Variants in CNBD1 observed in about 807,000 individuals in gnomAD.
The protein encoded by CNBD1 is cyclic nucleotide-binding domain-containing protein 1.
Under a neutral mutation model 54.4 loss-of-function variants are expected in CNBD1, and 71 were observed. The ratio of observed to expected loss-of-function variants is 1.30; its 90% CI spans 1.08 to 1.59. The LOEUF (loss-of-function observed/expected upper bound fraction) is 1.59. Among genes scored for constraint, CNBD1 ranks in the 40% most tolerant of loss-of-function variants. The pLI is 0.00. For synonymous variants in CNBD1, 182 were observed against 170.7 expected, an observed-to-expected ratio of 1.07 and a Z score of -0.51; for missense variants, 659 against 518.0, an observed-to-expected ratio of 1.27 and a Z score of -2.64.
chr8:87,241,939 A>T (rs752257118), intron 6 of CNBD1, among the ~76,000 whole-genome samples: 1 of 152,164 alleles, frequency 6.6e-6, no homozygotes, highest in Non-Finnish European at 1.5e-5. Context: ...TAAAATTCTA[A>T]GCCCCCAGCC....
In CNBD1 at chr8:86,972,974, C is replaced by T. The variant is rs1808259987; in HGVS notation, c.431+33220C>T. 1.3e-5 allele frequency among the ~76,000 whole-genome samples: 2 copies of T among 152,182 alleles called. 1 individual carries two copies. The highest frequency in any genetic ancestry group is 4.1e-4 in the South Asian group (2 of 4,824). On this transcript the variant is annotated intron_variant, in intron 4 of 10. Coordinates refer to ENST00000518476, the MANE Select transcript of CNBD1 (RefSeq NM_173538.3). ...CTCATCCCCTCGTTGACTTCCCTCA[C>T]CACTTCCTATTTACTTTTGTAAATA... is the stretch of plus-strand genomic sequence containing the variant.
At chr8:87,424,242 A>G (rs1808002458) in intron 2 of CNBD1, among the ~76,000 whole-genome samples, 1 of 151,856 alleles carries the variant, frequency 6.6e-6, no homozygotes, top group Admixed American at 6.6e-5. Flanking sequence ...GGATTCATTA[A>G]TTTTTTGAAG....
At chr8:87,228,690 T>G (rs1285229078) in intron 5 of CNBD1, among the ~76,000 whole-genome samples, 1 of 151,660 alleles carries the variant, frequency 6.6e-6, no homozygotes, top group African/African-American at 2.4e-5. Context: ...ACTGCTGTCT[T>G]TTTGTTTGTC....
intron 6 of CNBD1, among the ~76,000 whole-genome samples, chr8:87,249,269 C>T (rs1408075920): frequency 6.6e-6 from 1 of 152,058 alleles, no homozygotes; most frequent in Non-Finnish European, 1.5e-5. Flanking sequence ...AATCTAGTGA[C>T]ACTACTGATC....
intron 4 of CNBD1, among the ~76,000 whole-genome samples, chr8:87,038,353 G>C (rs75646552): frequency 0.038 from 5,761 of 152,288 alleles, 187 homozygotes; most frequent in Non-Finnish European, 0.058. Flanking sequence ...GTAGGAGACA[G>C]AGTTATTACA....
At chr8:87,041,312 A>G (rs1210089665) in intron 4 of CNBD1, among the ~76,000 whole-genome samples, 1 of 152,178 alleles carries the variant, frequency 6.6e-6, no homozygotes, top group Non-Finnish European at 1.5e-5. Flanking sequence ...TCCCTGAGCA[A>G]TGTGAGCATT....
chr8:87,093,249 GC>G (rs1811253747), intron 4 of CNBD1, among the ~76,000 whole-genome samples: 1 of 152,122 alleles, frequency 6.6e-6, no homozygotes, highest in African/African-American at 2.4e-5. Flanking sequence ...TAATTTTTCG[GC>G]CACCTTTGTG....
intron 3 of CNBD1, among the ~76,000 whole-genome samples, chr8:86,913,789 A>G (rs1033022206): frequency 6.6e-6 from 1 of 152,090 alleles, no homozygotes; most frequent in African/African-American, 2.4e-5. Flanking sequence ...CCAGGCTGGA[A>G]TTTCCTAATC....
chr8:87,019,971 A>C (rs1007848902), intron 4 of CNBD1, among the ~76,000 whole-genome samples: 2 of 152,296 alleles, frequency 1.3e-5, no homozygotes, highest in African/African-American at 4.8e-5. Context: ...AATAACCCTT[A>C]ATAAGGAAGG....
At chr8:87,285,754 C>T (rs571760952) in intron 7 of CNBD1, among the ~76,000 whole-genome samples, 3 of 152,270 alleles carry the variant, frequency 2.0e-5, no homozygotes, top group East Asian at 1.9e-4. Context: ...CCTGTAATCC[C>T]AGCTACTCGG....
intron 4 of CNBD1, among the ~76,000 whole-genome samples, chr8:87,196,690 A>C (rs1012054987): frequency 1.3e-5 from 2 of 152,192 alleles, no homozygotes; most frequent in African/African-American, 4.8e-5. Context: ...ATGCCACCCC[A>C]CATGGATACT....
chr8:87,185,285 G>A (rs984240010), intron 4 of CNBD1, among the ~76,000 whole-genome samples: 3 of 152,114 alleles, frequency 2.0e-5, no homozygotes, highest in African/African-American at 7.2e-5. Flanking sequence ...CTTGAAAAAT[G>A]ATGTTGAAAT....
chr8:87,208,513 G>A (rs1814025822), intron 5 of CNBD1, among the ~76,000 whole-genome samples: 1 of 151,698 alleles, frequency 6.6e-6, no homozygotes, highest in South Asian at 2.1e-4. Context: ...ATAATTTACT[G>A]AAGTCAAATG....
intron 4 of CNBD1, among the ~76,000 whole-genome samples, chr8:87,095,495 G>A (rs1196037980): frequency 6.6e-6 from 1 of 152,110 alleles, no homozygotes; most frequent in African/African-American, 2.4e-5. Context: ...ATAAATAGCT[G>A]TTATTTTTTA....
At position 87,048,630 on chromosome 8, in the gene CNBD1, AG is replaced by A. The variant is rs567086005; in HGVS notation, c.431+108877del. Among the ~76,000 whole-genome samples, 584 of 152,312 alleles carry A rather than the reference AG, an allele frequency of 3.8e-3. 6 individuals carry two copies. The highest frequency in any genetic ancestry group is 0.013 in the African/African-American group (555 of 41,566). ...AAAACAAGAAGTTATCTCATTAATT[AG>A]TACTCTTACCACCTCAGAGGACTTT... On this transcript the variant is annotated intron_variant, in intron 4 of 10. Coordinates refer to ENST00000518476, the MANE Select transcript of CNBD1 (RefSeq NM_173538.3).
At position 87,214,507 on chromosome 8, in the gene CNBD1, A is replaced by C. The variant is rs192351259; in HGVS notation, c.577+8369A>C. ...CTTCTGAGCCCTCCAAACTGTTCTA[A>C]TCTCTACCTGTTACCCAGTTTCAAA... is the stretch of plus-strand genomic sequence containing the variant. On this transcript the variant is annotated intron_variant, in intron 5 of 10. Transcript: ENST00000518476. 2.3e-4 allele frequency among the ~76,000 whole-genome samples: 35 copies of C among 152,006 alleles called. No individual in the cohort carries two copies. The East Asian group carries it at 6.8e-3, about 29-fold the overall frequency.
At chr8:87,363,777 G>A (rs1394380518) in intron 10 of CNBD1, among the ~76,000 whole-genome samples, 2 of 151,894 alleles carry the variant, frequency 1.3e-5, no homozygotes, top group Non-Finnish European at 2.9e-5. Context: ...TGGATAGATT[G>A]CAAAATTTTT....
At chr8:86,891,958 G>A (rs1379411663) in intron 2 of CNBD1, among the ~76,000 whole-genome samples, 2 of 151,796 alleles carry the variant, frequency 1.3e-5, no homozygotes, top group African/African-American at 4.8e-5. Flanking sequence ...ATAGCTTTTG[G>A]TGGAGTCTCT....
chr8:87,371,058 G>C (rs1810777235), intron 10 of CNBD1, among the ~76,000 whole-genome samples: 1 of 150,592 alleles, frequency 6.6e-6, no homozygotes, highest in African/African-American at 2.5e-5. Context: ...CGTTATTTCT[G>C]AGGGCTGTGT....
Sources: gnomAD v4.1 joint callset for allele counts (sites outside exome capture counted in the v4.1 genomes callset) on GRCh38, gnomAD v4.1.1 for gene constraint, MANE v1.5 for transcripts, NCBI Gene and HGNC (gene_info 2026-07-23, HGNC 2026-07-21) for gene names.